ENOX1: variants seen among roughly 807,000 people sequenced by gnomAD.
ENOX1 encodes the protein candidate growth-related and time keeping constitutive hydroquinone (NADH) oxidase.
In ENOX1, 42 loss-of-function variants were observed where a neutral mutation model predicts 82.5. The observed-to-expected ratio is 0.51, with a 90% CI of 0.40 to 0.66. ENOX1 has a LOEUF of 0.66. ENOX1 is among the 30% of genes least tolerant of loss of function. The pLI, the probability that ENOX1 is intolerant of heterozygous loss-of-function variation, is 0.00. For synonymous variants in ENOX1, 271 were observed against 282.2 expected, an observed-to-expected ratio of 0.96 and a Z score of 0.40; for missense variants, 608 against 811.6, an observed-to-expected ratio of 0.75 and a Z score of 3.05.
chr13:43,568,688 G>GTT (rs5803188), intron 2 of ENOX1, among the ~76,000 whole-genome samples: 83,145 of 147,410 alleles, frequency 0.56, 23,588 homozygotes, highest in Non-Finnish European at 0.6. Flanking sequence ...CAACTCCAGA[G>GTT]TTTTTTTTTT....
chr13:43,533,214 C>T (rs1162426811), intron 2 of ENOX1, among the ~76,000 whole-genome samples: 1 of 152,110 alleles, frequency 6.6e-6, no homozygotes, highest in East Asian at 1.9e-4. Context: ...TCATGGTCAT[C>T]ATATCTTCCC....
chr13:43,232,106 T>TC (rs2042314108), intron 15 of ENOX1, among the ~76,000 whole-genome samples: 1 of 147,286 alleles, frequency 6.8e-6, no homozygotes, highest in South Asian at 2.3e-4. Context: ...TTTTTTTTTT[T>TC]TTTTTTTGTA....
At chr13:43,453,909 GT>G (rs1296419943) in intron 3 of ENOX1, among the ~76,000 whole-genome samples, 2 of 152,196 alleles carry the variant, frequency 1.3e-5, no homozygotes, top group Non-Finnish European at 2.9e-5. Context: ...TGGGGAGTAG[GT>G]GTAGATGATG....
At chr13:43,404,986 C>G (rs189868778) in intron 5 of ENOX1, among the ~76,000 whole-genome samples, 20 of 152,326 alleles carry the variant, frequency 1.3e-4, no homozygotes, top group Admixed American at 1.2e-3. Flanking sequence ...GCCAGGCTGT[C>G]TGTATCCCCT....
At chr13:43,397,984 C>T (rs758777447) in intron 5 of ENOX1, among the ~76,000 whole-genome samples, 45 of 152,148 alleles carry the variant, frequency 3.0e-4, no homozygotes, top group Non-Finnish European at 5.3e-4. Context: ...CTTCTCATTT[C>T]GTCTTTACAT....
chr13:43,337,774 GC>G (rs2048800266), intron 9 of ENOX1, among the ~76,000 whole-genome samples: 1 of 151,856 alleles, frequency 6.6e-6, no homozygotes, highest in East Asian at 1.9e-4. Context: ...CACTTAGAAA[GC>G]AAACTGTACA....
At position 43,265,463 on chromosome 13, in the gene ENOX1, T is replaced by C; in HGVS notation, c.1555-9A>G. 6.2e-7 allele frequency: 1 copy of C among 1,610,954 alleles called. No homozygotes were observed. Among genetic ancestry groups the C allele is most frequent in the Non-Finnish European group, 8.5e-7 (1 of 1,178,446 alleles). On this transcript the variant is annotated splice_polypyrimidine_tract_variant and intron_variant, in intron 13 of 16. Transcript: ENST00000690772. The stretch of plus-strand genomic sequence containing the variant: ...TCCTTGGTACCTTTTAACTGCAAAT[T>C]TTAAGGAAAAACAACACAAAACAAA...
intron 1 of ENOX1, among the ~76,000 whole-genome samples, chr13:43,761,449 G>C (rs942786568): frequency 6.6e-6 from 1 of 152,058 alleles, no homozygotes; most frequent in Non-Finnish European, 1.5e-5. Context: ...TTTATACAGA[G>C]AAAAAACACA....
chr13:43,300,805 A>G (rs2046529390), intron 11 of ENOX1, among the ~76,000 whole-genome samples: 1 of 152,198 alleles, frequency 6.6e-6, no homozygotes, highest in Non-Finnish European at 1.5e-5. Context: ...AAGAGAATGA[A>G]TAAAGGAGAT....
intron 5 of ENOX1, among the ~76,000 whole-genome samples, chr13:43,388,742 T>C (rs1007170305): frequency 2.6e-5 from 4 of 152,252 alleles, no homozygotes; most frequent in Admixed American, 2.0e-4. Context: ...GGAAGGCTAT[T>C]AGAATGAAGT....
intron 8 of ENOX1, among the ~76,000 whole-genome samples, chr13:43,355,698 G>A (rs1014225696): frequency 1.3e-5 from 2 of 152,168 alleles, no homozygotes; most frequent in Admixed American, 1.3e-4. Context: ...TCTGTCCCAG[G>A]CAGAAGATGA....
intron 3 of ENOX1, among the ~76,000 whole-genome samples, chr13:43,440,507 GT>G (rs1287642215): frequency 6.6e-6 from 1 of 151,776 alleles, no homozygotes; most frequent in Non-Finnish European, 1.5e-5. Flanking sequence ...TTGAATGTGA[GT>G]TTTTTTAACA....
intron 3 of ENOX1, among the ~76,000 whole-genome samples, chr13:43,473,190 T>G (rs1238962146): frequency 6.6e-6 from 1 of 152,206 alleles, no homozygotes; most frequent in African/African-American, 2.4e-5. Flanking sequence ...TGTTGAACAT[T>G]GTTTCATCCT....
At chr13:43,377,326 C>A (rs971188121) in intron 5 of ENOX1, among the ~76,000 whole-genome samples, 7 of 152,214 alleles carry the variant, frequency 4.6e-5, no homozygotes, top group African/African-American at 1.7e-4. Context: ...CAAGAAGGCC[C>A]TCACCAGATG....
At chr13:43,735,809 G>A (rs2089600915) in intron 1 of ENOX1, among the ~76,000 whole-genome samples, 1 of 152,116 alleles carries the variant, frequency 6.6e-6, no homozygotes, top group South Asian at 2.1e-4. Flanking sequence ...TACAGTGGTA[G>A]GACAGTTGAA....
At chr13:43,501,377 C>G (rs1394888525) in intron 2 of ENOX1, among the ~76,000 whole-genome samples, 1 of 151,648 alleles carries the variant, frequency 6.6e-6, no homozygotes, top group East Asian at 1.9e-4. Flanking sequence ...TTAAGGAAAA[C>G]AGCAGTCTTG....
intron 1 of ENOX1, among the ~76,000 whole-genome samples, chr13:43,717,338 T>C (rs1175501886): frequency 6.6e-6 from 1 of 152,200 alleles, no homozygotes; most frequent in African/African-American, 2.4e-5. Context: ...TGGCTAGCCA[T>C]ATGCAGAAGA....
At chr13:43,726,167 CAAAACTTT>C (rs887056513) in intron 1 of ENOX1, among the ~76,000 whole-genome samples, 1 of 149,314 alleles carries the variant, frequency 6.7e-6, no homozygotes, top group African/African-American at 2.5e-5. Flanking sequence ...ACCAAAAAAA[CAAAACTTT>C]AAAGTTTTAA....
At position 43,627,504 on chromosome 13, in the gene ENOX1, T is replaced by C. The variant is rs2153749410; in HGVS notation, c.-219+39975A>G. 2.0e-5 allele frequency among the ~76,000 whole-genome samples: 3 copies of C among 152,208 alleles called. No individual in the cohort carries two copies. In the East Asian group the frequency reaches 5.8e-4, roughly 29 times the overall value. ...TCATTTTATCAGTTTGAGTGAACTA[T>C]AGAAACCCTATCTACTTTGAAGTCT... is the stretch of plus-strand genomic sequence containing the variant. On this transcript the variant is annotated intron_variant, in intron 2 of 16. Coordinates refer to ENST00000690772, the MANE Select transcript of ENOX1 (RefSeq NM_001347969.2).
Sources: gnomAD v4.1 joint callset for allele counts (sites outside exome capture counted in the v4.1 genomes callset) on GRCh38, gnomAD v4.1.1 for gene constraint, MANE v1.5 for transcripts, NCBI Gene and HGNC (gene_info 2026-07-23, HGNC 2026-07-21) for gene names.